Variants in PRDM16 observed in about 807,000 individuals in gnomAD.
PRDM16 encodes the protein PR/SET domain 16, also known as histone-lysine N-methyltransferase PRDM16.
In PRDM16, 23 loss-of-function variants were observed where a neutral mutation model predicts 110.6. That is an observed-to-expected ratio of 0.21 (90% CI 0.15 to 0.29). The LOEUF (loss-of-function observed/expected upper bound fraction) is 0.29. PRDM16 is among the 10% of genes least tolerant of loss of function. The pLI, the probability that PRDM16 is intolerant of heterozygous loss-of-function variation, is 1.00. For missense variants in PRDM16, 1,615 were observed against 1,794.3 expected, an observed-to-expected ratio of 0.90 and a Z score of 1.81; for synonymous variants, 799 against 781.8, an observed-to-expected ratio of 1.02 and a Z score of -0.37.
In PRDM16 at chr1:3,436,975, C is replaced by G. The variant is rs1638926610; in HGVS notation, c.*3164C>G. On this transcript the variant is annotated 3_prime_UTR_variant, in exon 17 of 17. Coordinates refer to ENST00000270722, the MANE Select transcript of PRDM16 (RefSeq NM_022114.4). ...CCTCCGCTGCTCCTCAGACCCCAGC[C>G]CCCAGCGAGCCGACGTCCCCACCCG... 8.6e-6 allele frequency: 2 copies of G among 233,216 alleles called. No homozygotes were observed. The highest frequency in any genetic ancestry group is 1.7e-5 in the Non-Finnish European group (2 of 118,100). 14.4% of individuals were successfully genotyped at this position (233,216 alleles called of 1,614,324 possible).
rs890233176 is a variant in PRDM16 at position 3,201,425 on chromosome 1, G to A, written c.387+14951G>A. ...AAGTCCAGTAGCCCAAGCCACGGGA[G>A]CCAGCCTCACCCTGGCCCCACACCA... On this transcript the variant is annotated intron_variant, in intron 2 of 16. Coordinates refer to ENST00000270722, the MANE Select transcript of PRDM16 (RefSeq NM_022114.4). This position sits in a 1 kb window ranked among gnomAD's most constrained non-coding sequence, Gnocchi z 4.1. Among the ~76,000 whole-genome samples the A allele has an allele frequency of 6.6e-6, 1 of 152,138 alleles. No homozygotes were observed.
chr1:3,238,796 C>T (rs1170799102), intron 2 of PRDM16, among the ~76,000 whole-genome samples: 6 of 152,332 alleles, frequency 3.9e-5, no homozygotes, highest in East Asian at 3.9e-4. Context: ...GGCATCCACC[C>T]GGAGGCCTCT....
At chr1:3,401,653 G>A (rs753425311) in intron 5 of PRDM16, among the ~76,000 whole-genome samples, 5 of 152,138 alleles carry the variant, frequency 3.3e-5, no homozygotes, top group Non-Finnish European at 4.4e-5. Flanking sequence ...GCACATGTGT[G>A]CACATCAAAC....
chr1:3,250,286 G>C (rs1002113247), intron 3 of PRDM16, among the ~76,000 whole-genome samples: 8 of 152,142 alleles, frequency 5.3e-5, no homozygotes, highest in Admixed American at 3.9e-4. Flanking sequence ...GGCCCTGGGT[G>C]GACTCTGACC....
chr1:3,105,393 G>A (rs767984625), intron 1 of PRDM16, among the ~76,000 whole-genome samples: 2 of 152,234 alleles, frequency 1.3e-5, no homozygotes, highest in East Asian at 3.9e-4. Context: ...GTGCATGGGC[G>A]CATGGTCTGG....
At chr1:3,300,974 G>A (rs543636204) in intron 3 of PRDM16, among the ~76,000 whole-genome samples, 6 of 152,234 alleles carry the variant, frequency 3.9e-5, no homozygotes, top group Non-Finnish European at 5.9e-5. Flanking sequence ...CTCCACCAAG[G>A]GAGCTTGTCA....
intron 1 of PRDM16, among the ~76,000 whole-genome samples, chr1:3,184,565 C>T (rs2100794413): frequency 6.6e-6 from 1 of 152,316 alleles, no homozygotes; most frequent in African/African-American, 2.4e-5. Context: ...AACACTCGCG[C>T]CTGCCTTTTT....
In PRDM16 at chr1:3,119,972, A is replaced by G. The variant is rs547998737; in HGVS notation, c.37+50676A>G. On this transcript the variant is annotated intron_variant, in intron 1 of 16. Coordinates refer to ENST00000270722, the MANE Select transcript of PRDM16 (RefSeq NM_022114.4). ...TTCTTGGAGGGGGGAGAGAGGAAGC[A>G]GCACCCAGGCTGCAGCCCTGCCTGC... Among the ~76,000 whole-genome samples, 27 of 140,230 alleles carry G rather than the reference A, an allele frequency of 1.9e-4. No individual in the cohort carries two copies. The South Asian group carries it at 4.0e-3, about 21-fold the overall frequency. 92.0% of individuals were successfully genotyped at this position (140,230 alleles called of 152,430 possible).
At chr1:3,381,980 G>C (rs1033689540) in intron 3 of PRDM16, among the ~76,000 whole-genome samples, 2 of 152,186 alleles carry the variant, frequency 1.3e-5, no homozygotes, top group Non-Finnish European at 2.9e-5. Flanking sequence ...AGGGAGGGGG[G>C]GCCTCGTGGG....
intron 4 of PRDM16, among the ~76,000 whole-genome samples, chr1:3,389,821 T>G (rs1024635433): frequency 6.6e-6 from 1 of 152,114 alleles, no homozygotes; most frequent in African/African-American, 2.4e-5. Context: ...GCAATCAGAT[T>G]GCAAGGGAGA....
At position 3,339,721 on chromosome 1, in the gene PRDM16, C is replaced by T. The variant is rs1029318215; in HGVS notation, c.439-45431C>T. Among the ~76,000 whole-genome samples the T allele has an allele frequency of 4.6e-5, 7 of 152,122 alleles. No homozygotes were observed. The highest frequency in any genetic ancestry group is 8.8e-5 in the Non-Finnish European group (6 of 68,026). On this transcript the variant is annotated intron_variant, in intron 3 of 16. Transcript: ENST00000270722. The surrounding 1 kb of genome is among the most constrained non-coding windows in gnomAD (Gnocchi z 5.0). Reference sequence around the variant, plus strand: ...GCTCAGTTACCCCATCTGCCTCAGCCTCCCTCAGAACTGTGGGAGACGGGG... The same window carrying T: ...GCTCAGTTACCCCATCTGCCTCAGCTTCCCTCAGAACTGTGGGAGACGGGG...
Position 3,246,794 on chromosome 1 carries a change from A to G in PRDM16, c.438+2657A>G, listed in dbSNP as rs1376835158. ...ACTGGACCCGTTCAGTTACATTTCT[A>G]GGCACTCTCGGGGAGCCGGGGGGGT... On this transcript the variant is annotated intron_variant, in intron 3 of 16. Coordinates refer to ENST00000270722, the MANE Select transcript of PRDM16 (RefSeq NM_022114.4). This position sits in a 1 kb window ranked among gnomAD's most constrained non-coding sequence, Gnocchi z 5.2. Among the ~76,000 whole-genome samples, 1 of 151,932 alleles carries G rather than the reference A, an allele frequency of 6.6e-6. No individual in the cohort carries two copies. The highest frequency in any genetic ancestry group is 1.5e-5 in the Non-Finnish European group (1 of 67,974).
chr1:3,100,224 G>A (rs973158264), intron 1 of PRDM16, among the ~76,000 whole-genome samples: 3 of 152,190 alleles, frequency 2.0e-5, no homozygotes, highest in Admixed American at 6.5e-5. Context: ...TCTGTGACGT[G>A]GCCCCAGTGC....
chr1:3,255,244 T>A lies in PRDM16; in HGVS notation c.438+11107T>A, dbSNP rs1298750595. ...GGCATTACCATTCAGGACATAGGCATGGGCAAGGACTTCATGTCTAAAACA... is the reference window on the plus strand; with the variant it reads ...GGCATTACCATTCAGGACATAGGCAAGGGCAAGGACTTCATGTCTAAAACA... On this transcript the variant is annotated intron_variant, in intron 3 of 16. Coordinates refer to ENST00000270722, the MANE Select transcript of PRDM16 (RefSeq NM_022114.4). The surrounding 1 kb of genome is among the most constrained non-coding windows in gnomAD (Gnocchi z 4.7). Among the ~76,000 whole-genome samples the A allele has an allele frequency of 6.6e-6, 1 of 152,156 alleles. No homozygotes were observed. Among genetic ancestry groups the A allele is most frequent in the Non-Finnish European group, 1.5e-5 (1 of 68,040 alleles).
intron 3 of PRDM16, among the ~76,000 whole-genome samples, chr1:3,348,528 GA>G (rs1481800482): frequency 6.6e-6 from 1 of 152,240 alleles, no homozygotes; most frequent in African/African-American, 2.4e-5. Context: ...AAGGCGGCTT[GA>G]ATGGGCAGGG....
chr1:3,393,274 G>C (rs1189454383), intron 4 of PRDM16, among the ~76,000 whole-genome samples: 2 of 152,224 alleles, frequency 1.3e-5, no homozygotes, highest in African/African-American at 4.8e-5. Flanking sequence ...TGTCGCTTAA[G>C]CAAATATACT....
At chr1:3,372,701 A>T (rs1557638977) in intron 3 of PRDM16, among the ~76,000 whole-genome samples, 2 of 152,228 alleles carry the variant, frequency 1.3e-5, no homozygotes, top group African/African-American at 2.4e-5. Context: ...CCTGCTCTTG[A>T]CCCAACTTAA....
At chr1:3,321,131 A>G (rs1641730975) in intron 3 of PRDM16, among the ~76,000 whole-genome samples, 1 of 152,238 alleles carries the variant, frequency 6.6e-6, no homozygotes, top group African/African-American at 2.4e-5. Context: ...GAAGAGGAAC[A>G]GAGGGATCGG....
intron 3 of PRDM16, among the ~76,000 whole-genome samples, chr1:3,253,248 G>A (rs371218711): frequency 1.3e-5 from 2 of 151,560 alleles, no homozygotes; most frequent in Admixed American, 6.6e-5. Flanking sequence ...GGGTACATGT[G>A]CACAATGTAC....
Sources: gnomAD v4.1 joint callset for allele counts (sites outside exome capture counted in the v4.1 genomes callset) on GRCh38, gnomAD v4.1.1 for gene constraint, Gnocchi (gnomAD v3.1) non-coding constraint, MANE v1.5 for transcripts, NCBI Gene and HGNC (gene_info 2026-07-23, HGNC 2026-07-21) for gene names.